Variants in PYCR3 observed in about 807,000 individuals in gnomAD.
The protein encoded by PYCR3 is P5C reductase 3.
PYCR3 carries 26 observed loss-of-function variants against 23.4 expected under a neutral mutation model. The observed-to-expected ratio is 1.11, with a 90% CI of 0.81 to 1.54. PYCR3 has a LOEUF of 1.54. PYCR3 is among the 40% of genes most tolerant of loss of function. PYCR3 has a pLI of 0.00. For missense variants in PYCR3, 360 were observed against 376.3 expected (o/e 0.96, Z 0.36); for synonymous variants, 194 against 162.6 (o/e 1.19, Z -1.47).
rs1414281984 is a variant in PYCR3, at chr8:143,603,516, G to A, written c.*2184C>T. 6.6e-6 allele frequency among the ~76,000 whole-genome samples: 1 copy of A among 152,156 alleles called. No individual in the cohort carries two copies. Among genetic ancestry groups the A allele is most frequent in the Non-Finnish European group, 1.5e-5 (1 of 68,026 alleles). On this transcript the variant is annotated 3_prime_UTR_variant, in exon 6 of 6. Transcript: ENST00000495276. ...GGCTGGCTTGGGATCTCCACCTCCC[G>A]AGCTGAGCTCACCTAGTGCCCAGGG...
Position 143,606,668 on chromosome 8 carries a change from TGG to T in PYCR3, c.346_347del (p.Pro116LysfsTer47). Reference sequence around the variant, plus strand: ...GCAAGACCCGCAGCACCCGTGTGTTTGGGGGCAGCAGCTGGCCAGAGAGAGGT... The same window carrying T: ...GCAAGACCCGCAGCACCCGTGTGTTTGGGCAGCAGCTGGCCAGAGAGAGGT... ...SLSTLEELLP[P>X]NTRVLRVLPN... On this transcript the variant is annotated frameshift_variant, in exon 4 of 6. Coordinates refer to ENST00000495276, the MANE Select transcript of PYCR3 (RefSeq NM_023078.6). LOFTEE classifies it high-confidence loss of function. 6.3e-7 allele frequency: 1 copy of T among 1,593,002 alleles called. No homozygotes were observed. Among genetic ancestry groups the T allele is most frequent in the Non-Finnish European group, 8.5e-7 (1 of 1,171,122 alleles).
Position 143,609,356 on chromosome 8 carries a change from C to G in PYCR3, c.91+102G>C, listed in dbSNP as rs1488686452. 28 of 1,285,314 alleles carry G rather than the reference C, an allele frequency of 2.2e-5. No homozygotes were observed. In the South Asian group the frequency reaches 3.4e-4, roughly 16 times the overall value. 79.6% of individuals were successfully genotyped at this position (1,285,314 alleles called of 1,614,324 possible). On this transcript the variant is annotated intron_variant, in intron 1 of 5. Coordinates refer to ENST00000495276, the MANE Select transcript of PYCR3 (RefSeq NM_023078.6). ...GGCTGCGCCCAGCGGAGCGGAGACC[C>G]GGTTGGCTGGGCCCGCGCCCCCGGC...
intron 2 of PYCR3, among the ~76,000 whole-genome samples, chr8:143,607,420 A>G (rs1414486258): frequency 6.6e-6 from 1 of 152,084 alleles, no homozygotes; most frequent in African/African-American, 2.4e-5. Context: ...ACATGCACGC[A>G]CTCACGAGCA....
Position 143,603,479 on chromosome 8 carries a change from T to G in PYCR3, c.*2221A>C, listed in dbSNP as rs1829305635. Among the ~76,000 whole-genome samples the G allele has an allele frequency of 6.6e-6, 1 of 152,176 alleles. No individual in the cohort carries two copies. The highest frequency in any genetic ancestry group is 2.4e-5 in the African/African-American group (1 of 41,430). On this transcript the variant is annotated 3_prime_UTR_variant, in exon 6 of 6. Coordinates refer to ENST00000495276, the MANE Select transcript of PYCR3 (RefSeq NM_023078.6). ...GTCTTTGTCACAGGCCCTCACCAGC[T>G]GGGCCAGGAGTGGCTGGCTTGGGAT... is the stretch of plus-strand genomic sequence containing the variant.
At chr8:143,608,695 TAATC>T (rs1313969098) in intron 1 of PYCR3, 1 of 376,200 alleles carries the variant, frequency 2.7e-6, no homozygotes, top group Non-Finnish European at 5.4e-6. Flanking sequence ...ACACAGCAAT[TAATC>T]ATGACAGTGG....
chr8:143,604,970 T>G lies in PYCR3; in HGVS notation c.*730A>C. On this transcript the variant is annotated 3_prime_UTR_variant, in exon 6 of 6. Coordinates refer to ENST00000495276, the MANE Select transcript of PYCR3 (RefSeq NM_023078.6). ...TCCAGACTAAAGCCAGGGGTCTGCA[T>G]GTGTCCTGGCTGGCCAGGGCCACCC... The G allele has an allele frequency of 2.0e-6, 1 of 497,132 alleles. No individual in the cohort carries two copies. The highest frequency in any genetic ancestry group is 5.8e-5 in the East Asian group (1 of 17,258). 30.8% of individuals were successfully genotyped at this position (497,132 alleles called of 1,614,324 possible).
In PYCR3 at chr8:143,609,480, G is replaced by C; in HGVS notation, c.69C>G (p.Ile23Met). 6.6e-7 allele frequency: 1 copy of C among 1,511,346 alleles called. No individual in the cohort carries two copies. The highest frequency in any genetic ancestry group is 1.2e-5 in the South Asian group (1 of 81,810). The allele number at this position is 1,511,346 out of a possible 1,614,324, so 93.6% of individuals were successfully genotyped here. A position where few individuals can be genotyped will look rare whatever the true frequency, so the allele number is the denominator to read the frequency against. ...CACCTGCTCTGATGAGGCCCTGCGCGATGGCCCCCGCCATGCGGCCCGCGC... is the reference window on the plus strand; with the variant it reads ...CACCTGCTCTGATGAGGCCCTGCGCCATGGCCCCCGCCATGCGGCCCGCGC... ...FVGAGRMAGA[I>M]AQGLIRAGKV... Residue 23 changes from isoleucine (I) to methionine (M), a missense_variant, in exon 1 of 6, where the codon ATC (isoleucine) becomes ATG (methionine). By Grantham distance (10) the Ile-to-Met change is conservative. Transcript: ENST00000495276.
In PYCR3 at chr8:143,603,588, G is replaced by T. The variant is rs545030303; in HGVS notation, c.*2112C>A. On this transcript the variant is annotated 3_prime_UTR_variant, in exon 6 of 6. Transcript: ENST00000495276. The stretch of plus-strand genomic sequence containing the variant: ...AGACAGGTGTTGGTGCAAAGTCAAT[G>T]ATTTCTCCTTGCAGATGGGCTTGGT... Among the ~76,000 whole-genome samples the T allele has an allele frequency of 2.0e-4, 30 of 152,218 alleles. No individual in the cohort carries two copies. Among genetic ancestry groups the T allele is most frequent in the Admixed American group, 3.9e-4 (6 of 15,288 alleles).
chr8:143,609,361 G>A (rs776818374), intron 1 of PYCR3, 97 bp downstream of exon 1: 15 of 1,309,378 alleles, frequency 1.1e-5, no homozygotes, highest in Non-Finnish European at 1.5e-5. Context: ...AGACCCGGTT[G>A]GCTGGGCCCG....
intron 1 of PYCR3, 132 bp from the exon 2 acceptor site, chr8:143,608,258 G>A (rs1317396299): frequency 1.5e-5 from 10 of 671,176 alleles, no homozygotes; most frequent in Non-Finnish European, 2.6e-5. Context: ...CTGGCCCCAG[G>A]AACCCAAAGC....
chr8:143,606,529 C>G lies in PYCR3; in HGVS notation c.487G>C (p.Glu163Gln). The change falls in exon 4 of 6, where the codon GAG becomes CAG. Residue 163 changes from glutamate (E) to glutamine (Q), a missense_variant. Coordinates refer to ENST00000495276, the MANE Select transcript of PYCR3 (RefSeq NM_023078.6). ...TCGACGTAGGCTTCAGGCACCTCCT[C>G]ACACCGCCCACAGGCCTCCAGCAGA... ...QHLLEACGRC[E>Q]EVPEAYVDIH... is the part of the protein sequence containing the mutation. The G allele has an allele frequency of 6.2e-7, 1 of 1,612,940 alleles. No homozygotes were observed. Among genetic ancestry groups the G allele is most frequent in the Non-Finnish European group, 8.5e-7 (1 of 1,180,012 alleles).
In PYCR3 at chr8:143,605,801, T is replaced by C. The variant is rs1466929065; in HGVS notation, c.724A>G (p.Ile242Val). ...SDVCTPGGTT[I>V]YGLHALEQGG... ...TGCTCCAGGGCGTGGAGTCCATAGA[T>C]GGTGGTGCCACCCGGGGTGCACACG... The change falls in exon 6 of 6, where the codon ATC becomes GTC. Residue 242 changes from isoleucine (I) to valine (V), a missense_variant. Physicochemically the swap from Ile to Val is conservative, Grantham distance 29. Transcript: ENST00000495276. The C allele has an allele frequency of 6.2e-7, 1 of 1,612,286 alleles. No individual in the cohort carries two copies. Among genetic ancestry groups the C allele is most frequent in the South Asian group, 1.1e-5 (1 of 91,062 alleles).
At position 143,605,347 on chromosome 8, in the gene PYCR3, G is replaced by A. The variant is rs1478737892; in HGVS notation, c.*353C>T. 1.9e-5 allele frequency: 7 copies of A among 362,508 alleles called. No individual in the cohort carries two copies. The highest frequency in any genetic ancestry group is 8.7e-5 in the Admixed American group (2 of 23,006). 22.5% of individuals were successfully genotyped at this position (362,508 alleles called of 1,614,324 possible). ...CATTGGGCCAGCCGTGCCTGTTACCGTAAGTTCTGTTCATGGCCTCAACCA... is the reference window on the plus strand; with the variant it reads ...CATTGGGCCAGCCGTGCCTGTTACCATAAGTTCTGTTCATGGCCTCAACCA... On this transcript the variant is annotated 3_prime_UTR_variant, in exon 6 of 6. Transcript: ENST00000495276.
Position 143,604,987 on chromosome 8 carries a change from G to C in PYCR3, c.*713C>G. 2.1e-6 allele frequency: 1 copy of C among 483,510 alleles called. No individual in the cohort carries two copies. The highest frequency in any genetic ancestry group is 4.1e-6 in the Non-Finnish European group (1 of 242,814). 30.0% of individuals were successfully genotyped at this position (483,510 alleles called of 1,614,324 possible). A position where few individuals can be genotyped will look rare whatever the true frequency, so the allele number is the denominator to read the frequency against. On this transcript the variant is annotated 3_prime_UTR_variant, in exon 6 of 6. Transcript: ENST00000495276. The stretch of plus-strand genomic sequence containing the variant: ...GGTCTGCATGTGTCCTGGCTGGCCA[G>C]GGCCACCCTCCCAGACCTCAAGCCA...
intron 5 of PYCR3, 28 bp from the exon 6 acceptor site, chr8:143,605,910 G>T: frequency 1.9e-6 from 3 of 1,586,200 alleles, no homozygotes; most frequent in Non-Finnish European, 2.6e-6. Context: ...GCCTGGTGAC[G>T]GGGGGAGGTG....
At chr8:143,608,795 C>T in intron 1 of PYCR3, 1 of 456,446 alleles carries the variant, frequency 2.2e-6, no homozygotes, top group Non-Finnish European at 4.4e-6. Flanking sequence ...GCGGTACTGC[C>T]AGGTTTCACA....
chr8:143,608,002 C>A, intron 2 of PYCR3, 60 bp downstream of exon 2: 1 of 1,300,044 alleles, frequency 7.7e-7, no homozygotes, highest in Non-Finnish European at 1.1e-6. Flanking sequence ...CTTAGTGGGA[C>A]AGGAGCCAAG....
Position 143,606,619 on chromosome 8 carries a change from C to G in PYCR3, c.397G>C (p.Glu133Gln). The G allele has an allele frequency of 6.2e-7, 1 of 1,610,660 alleles. No individual in the cohort carries two copies. The highest frequency in any genetic ancestry group is 1.1e-5 in the South Asian group (1 of 90,718). Residue 133 changes from glutamate (E) to glutamine (Q), a missense_variant, in exon 4 of 6, where the codon GAA (glutamate) becomes CAA (glutamine). Transcript: ENST00000495276. Reference sequence around the variant, plus strand: ...CCCCGCGCCATCACTATGGCCCCTTCCTGGACCACACAGGGCAGGTTGGGC... The same window carrying G: ...CCCCGCGCCATCACTATGGCCCCTTGCTGGACCACACAGGGCAGGTTGGGC... The part of the protein sequence containing the change: ...VLPNLPCVVQ[E>Q]GAIVMARGRH...
chr8:143,607,212 T>G (rs1334195622), intron 2 of PYCR3, 80 bp from the exon 3 acceptor site: 2 of 1,335,242 alleles, frequency 1.5e-6, no homozygotes. Context: ...TCCTGCTGGA[T>G]GCCACACGTT....
Sources: gnomAD v4.1 joint callset for allele counts (sites outside exome capture counted in the v4.1 genomes callset) on GRCh38, gnomAD v4.1.1 for gene constraint, MANE v1.5 for transcripts, NCBI Gene and HGNC (gene_info 2026-07-23, HGNC 2026-07-21) for gene names.